The following IFT52 variants were observed in gnomAD, a reference collection of about 807,000 sequenced individuals.
IFT52 encodes the protein intraflagellar transport protein 52 homolog.
Under a neutral mutation model 54.4 loss-of-function variants are expected in IFT52, and 44 were observed. The observed-to-expected ratio is 0.81, with a 90% CI of 0.63 to 1.04. The LOEUF is 1.04. IFT52 is among the 50% of genes least tolerant of loss of function. The probability of loss-of-function intolerance (pLI) is 0.00; values close to 1 mark genes in which losing one functional copy is unlikely to be tolerated. For missense variants in IFT52, 452 were observed against 523.6 expected (o/e 0.86, Z 1.33); for synonymous variants, 181 against 185.3 (o/e 0.98, Z 0.19).
rs6030995 is a variant in IFT52 at position 43,629,374 on chromosome 20, G to A, written c.923+5329G>A. 1.7e-3 allele frequency among the ~76,000 whole-genome samples: 260 copies of A among 151,440 alleles called. 2 individuals carry two copies. Among genetic ancestry groups the A allele is most frequent in the African/African-American group, 6.0e-3 (246 of 41,340 alleles). ...TGCAAGCTCCGCCTCCCGGGTTCACGCCATTCGTCGGCCTCAGCCTCCCCA... is the reference window on the plus strand; with the variant it reads ...TGCAAGCTCCGCCTCCCGGGTTCACACCATTCGTCGGCCTCAGCCTCCCCA... On this transcript the variant is annotated intron_variant, in intron 10 of 13. Coordinates refer to ENST00000373030, the MANE Select transcript of IFT52 (RefSeq NM_016004.5).
At chr20:43,636,286 A>G (rs1985536090) in intron 11 of IFT52, among the ~76,000 whole-genome samples, 1 of 152,196 alleles carries the variant, frequency 6.6e-6, no homozygotes, top group Non-Finnish European at 1.5e-5. Flanking sequence ...GAGGGCATAT[A>G]TGAGATTTCT....
chr20:43,610,453 G>A (rs532968414), intron 6 of IFT52, among the ~76,000 whole-genome samples: 113 of 151,966 alleles, frequency 7.4e-4, no homozygotes, highest in African/African-American at 2.7e-3. Flanking sequence ...ATCAATCTAG[G>A]CTGGGCGCAG....
chr20:43,605,995 T>G (rs752663348), intron 6 of IFT52, among the ~76,000 whole-genome samples: 1 of 151,974 alleles, frequency 6.6e-6, no homozygotes. Flanking sequence ...CCAAGGCGAG[T>G]GGATCACCTG....
chr20:43,604,010 G>A, intron 4 of IFT52, 121 bp downstream of exon 4: 1 of 938,264 alleles, frequency 1.1e-6, no homozygotes, highest in Non-Finnish European at 1.7e-6. Context: ...GTGTTTTAAT[G>A]TTCCATTCTC....
chr20:43,641,880 A>G (rs1425923166), intron 12 of IFT52, among the ~76,000 whole-genome samples: 6 of 145,796 alleles, frequency 4.1e-5, no homozygotes, highest in African/African-American at 1.5e-4. Context: ...TGCAACCTCC[A>G]TCTCCCCAGT....
intron 7 of IFT52, 143 bp downstream of exon 7, chr20:43,614,119 C>A: frequency 1.4e-6 from 1 of 717,804 alleles, no homozygotes; most frequent in Non-Finnish European, 2.3e-6. Flanking sequence ...CAGCTATATA[C>A]ATTTTGCTTA....
chr20:43,597,171 A>G (rs1982040190), intron 3 of IFT52, among the ~76,000 whole-genome samples: 1 of 151,940 alleles, frequency 6.6e-6, no homozygotes, highest in African/African-American at 2.4e-5. Flanking sequence ...CGGGAGTTCA[A>G]GACCACCCTG....
chr20:43,639,083 A>G (rs533267400), intron 12 of IFT52, among the ~76,000 whole-genome samples: 2 of 152,290 alleles, frequency 1.3e-5, no homozygotes, highest in South Asian at 2.1e-4. Context: ...CAACTGTCCT[A>G]TGGAAATCCT....
intron 10 of IFT52, among the ~76,000 whole-genome samples, chr20:43,631,163 T>C (rs1173873630): frequency 6.6e-6 from 1 of 152,334 alleles, no homozygotes; most frequent in East Asian, 1.9e-4. Flanking sequence ...ATCTTAACCA[T>C]ATGATTTGGG....
intron 13 of IFT52, among the ~76,000 whole-genome samples, chr20:43,645,296 GTAAT>G (rs1332927779): frequency 3.5e-5 from 2 of 57,860 alleles, no homozygotes; most frequent in African/African-American, 5.0e-5. Context: ...GCTCACGCCT[GTAAT>G]TAATCCCAGC....
At chr20:43,605,158 G>T (rs190689442) in intron 6 of IFT52, 85 bp downstream of exon 6, 2 of 1,554,616 alleles carry the variant, frequency 1.3e-6, no homozygotes, top group South Asian at 1.2e-5. Context: ...TTTGTTTCTG[G>T]TTACAAAAAT....
chr20:43,637,277 T>A, intron 12 of IFT52, 24 bp downstream of exon 12: 1 of 1,388,142 alleles, frequency 7.2e-7, no homozygotes, highest in Non-Finnish European at 9.8e-7. Context: ...ACTTTTTTTT[T>A]TTGAGACAGA....
At chr20:43,638,610 A>T (rs1030370882) in intron 12 of IFT52, among the ~76,000 whole-genome samples, 4 of 152,226 alleles carry the variant, frequency 2.6e-5, no homozygotes, top group African/African-American at 7.2e-5. Flanking sequence ...GTCTCTAAAA[A>T]TATATTTTAA....
chr20:43,594,811 T>G lies in IFT52; in HGVS notation c.113T>G (p.Ile38Ser). Reference protein sequence around the residue: ...MQKKLRSNWKIQSLKDEITSE... With the variant: ...MQKKLRSNWKSQSLKDEITSE... ...AAAAAACTTCGGAGTAATTGGAAGA[T>G]TCAGAGGTGACTGACCATGTATATT... is the stretch of plus-strand genomic sequence containing the variant. Residue 38 changes from isoleucine (I) to serine (S), a missense_variant, in exon 2 of 14, where the codon ATT (isoleucine) becomes AGT (serine). Transcript: ENST00000373030. The G allele has an allele frequency of 6.6e-7, 1 of 1,509,570 alleles. No homozygotes were observed. The highest frequency in any genetic ancestry group is 9.2e-7 in the Non-Finnish European group (1 of 1,084,784). The allele number at this position is 1,509,570 out of a possible 1,614,324, so 93.5% of individuals were successfully genotyped here.
chr20:43,625,524 A>T (rs188683396), intron 10 of IFT52, among the ~76,000 whole-genome samples: 2 of 152,110 alleles, frequency 1.3e-5, no homozygotes, highest in Non-Finnish European at 2.9e-5. Flanking sequence ...AAATAGGGTG[A>T]TCAGGATGGC....
intron 10 of IFT52, 56 bp from the exon 11 acceptor site, chr20:43,635,870 G>C: frequency 6.8e-7 from 1 of 1,480,034 alleles, no homozygotes; most frequent in Non-Finnish European, 9.4e-7. Flanking sequence ...TGGTCAGTTA[G>C]ACGTGCTGAG....
At chr20:43,618,795 T>G in intron 7 of IFT52, 145 bp from the exon 8 acceptor site, 2 of 610,292 alleles carry the variant, frequency 3.3e-6, no homozygotes, top group East Asian at 5.8e-5. Flanking sequence ...TAGTTGGTAT[T>G]TCTAAACTTT....
At chr20:43,641,792 C>CTGTTTTGTTT (rs990116730) in intron 12 of IFT52, among the ~76,000 whole-genome samples, 1 of 151,914 alleles carries the variant, frequency 6.6e-6, no homozygotes, top group Admixed American at 6.6e-5. Flanking sequence ...TCACGCTCGG[C>CTGTTTTGTTT]TGTTTTGTTT....
intron 5 of IFT52, 58 bp downstream of exon 5, chr20:43,604,316 C>G (rs1982692334): frequency 7.7e-7 from 1 of 1,297,638 alleles, no homozygotes; most frequent in Middle Eastern, 2.0e-4. Context: ...CACCTGTAAT[C>G]CCAGCACTTT....
Sources: gnomAD v4.1 joint callset for allele counts (sites outside exome capture counted in the v4.1 genomes callset) on GRCh38, gnomAD v4.1.1 for gene constraint, MANE v1.5 for transcripts, NCBI Gene and HGNC (gene_info 2026-07-23, HGNC 2026-07-21) for gene names.